The following PIGK variants were observed in gnomAD, a reference collection of about 807,000 sequenced individuals.
PIGK encodes the protein phosphatidylinositol glycan anchor biosynthesis class K.
A neutral mutation model predicts 50.6 loss-of-function variants in PIGK; 42 were observed. The observed-to-expected ratio is 0.83, with a 90% CI of 0.65 to 1.07. PIGK has a LOEUF of 1.07. PIGK is among the 50% of genes least tolerant of loss of function. The pLI is 0.00. For synonymous variants in PIGK, 151 were observed against 156.0 expected (o/e 0.97, Z 0.24); for missense variants, 448 against 488.7 (o/e 0.92, Z 0.78).
At chr1:77,116,484 C>A (rs1653968164) in intron 10 of PIGK, among the ~76,000 whole-genome samples, 1 of 151,794 alleles carries the variant, frequency 6.6e-6, no homozygotes, top group Non-Finnish European at 1.5e-5. Context: ...CGTGCCTGGC[C>A]GAATTTCTCA....
intron 3 of PIGK, among the ~76,000 whole-genome samples, chr1:77,193,760 T>A (rs1655967239): frequency 6.6e-6 from 1 of 152,112 alleles, no homozygotes; most frequent in Admixed American, 6.6e-5. Context: ...AAGGATATAC[T>A]ATTCTGGACA....
Position 77,096,265 on chromosome 1 carries a change from C to T in PIGK, c.1072-3775G>A, listed in dbSNP as rs139444627. Among the ~76,000 whole-genome samples, 14 of 152,234 alleles carry T rather than the reference C, an allele frequency of 9.2e-5. No individual in the cohort carries two copies. In the East Asian group the frequency reaches 2.7e-3, roughly 29 times the overall value. On this transcript the variant is annotated intron_variant, in intron 10 of 10. Transcript: ENST00000370812. ...GCACATCTTCGAGTCCTTCATTCAT[C>T]CAATTGTATGTTAGATTGATGGGCA... is the stretch of plus-strand genomic sequence containing the variant.
chr1:77,102,561 G>C (rs946970658), intron 10 of PIGK, among the ~76,000 whole-genome samples: 1 of 152,120 alleles, frequency 6.6e-6, no homozygotes, highest in Non-Finnish European at 1.5e-5. Context: ...CTAGAAGCTT[G>C]ATAAGGCAAG....
At chr1:77,218,494 T>C (rs998209887) in intron 1 of PIGK, among the ~76,000 whole-genome samples, 4 of 152,182 alleles carry the variant, frequency 2.6e-5, no homozygotes, top group African/African-American at 9.7e-5. Flanking sequence ...GTTTCTAGCT[T>C]AGGAGCAGCA....
intron 3 of PIGK, among the ~76,000 whole-genome samples, chr1:77,181,707 A>C (rs1283778384): frequency 6.6e-6 from 1 of 152,166 alleles, no homozygotes; most frequent in Non-Finnish European, 1.5e-5. Context: ...TCTGCCTCAT[A>C]GGTGTTGCTT....
At chr1:77,191,599 A>G (rs1227049834) in intron 3 of PIGK, among the ~76,000 whole-genome samples, 1 of 152,246 alleles carries the variant, frequency 6.6e-6, no homozygotes, top group Non-Finnish European at 1.5e-5. Flanking sequence ...TCTAGCGTCA[A>G]ATGGCAAGAA....
chr1:77,158,576 A>C (rs1032588271), intron 8 of PIGK, among the ~76,000 whole-genome samples: 1 of 152,212 alleles, frequency 6.6e-6, no homozygotes, highest in Non-Finnish European at 1.5e-5. Flanking sequence ...CAAAAAGTCC[A>C]GGCTGAGGTG....
rs369971655 is a variant in PIGK, at chr1:77,139,265, T to A, written c.986+15184A>T. ...GAGATTTCCCTACTGTTGAGCAAAG[T>A]GGAGCTTCCTCTGTTGCAAGCCACT... On this transcript the variant is annotated intron_variant, in intron 9 of 10. Transcript: ENST00000370812. 5.9e-5 allele frequency among the ~76,000 whole-genome samples: 9 copies of A among 151,934 alleles called. No individual in the cohort carries two copies. In the South Asian group the frequency reaches 1.3e-3, roughly 21 times the overall value.
intron 9 of PIGK, among the ~76,000 whole-genome samples, chr1:77,150,626 G>C (rs892615083): frequency 6.6e-6 from 1 of 151,706 alleles, no homozygotes; most frequent in Non-Finnish European, 1.5e-5. Context: ...AAAAGATTAA[G>C]AGCCCAAATA....
chr1:77,158,081 A>G (rs941157731), intron 8 of PIGK, among the ~76,000 whole-genome samples: 1 of 152,172 alleles, frequency 6.6e-6, no homozygotes, highest in African/African-American at 2.4e-5. Context: ...CAGTGGCGCA[A>G]TCTCAGCTCA....
intron 10 of PIGK, among the ~76,000 whole-genome samples, chr1:77,096,717 A>T (rs1653412317): frequency 6.6e-6 from 1 of 152,110 alleles, no homozygotes; most frequent in South Asian, 2.1e-4. Context: ...TAAATAAATG[A>T]CTGATGTTTT....
chr1:77,118,985 G>C (rs1449797518), intron 10 of PIGK, among the ~76,000 whole-genome samples: 1 of 152,124 alleles, frequency 6.6e-6, no homozygotes, highest in Non-Finnish European at 1.5e-5. Flanking sequence ...TCATGAATTG[G>C]AATCCATAAA....
At chr1:77,183,663 T>G (rs1655672298) in intron 3 of PIGK, among the ~76,000 whole-genome samples, 1 of 152,186 alleles carries the variant, frequency 6.6e-6, no homozygotes, top group Admixed American at 6.5e-5. Context: ...TCAGGCTAAA[T>G]TTATTGACTT....
intron 10 of PIGK, among the ~76,000 whole-genome samples, chr1:77,119,822 G>A (rs1232086291): frequency 6.6e-6 from 1 of 152,032 alleles, no homozygotes; most frequent in Non-Finnish European, 1.5e-5. Context: ...TGGTGCCTGG[G>A]TAGTAGGGAA....
chr1:77,108,565 T>C (rs1478271547), intron 10 of PIGK, among the ~76,000 whole-genome samples: 1 of 151,742 alleles, frequency 6.6e-6, no homozygotes, highest in Non-Finnish European at 1.5e-5. Flanking sequence ...ATAAATTATG[T>C]GTCTTGGAGT....
chr1:77,218,613 T>A (rs1656641341), intron 1 of PIGK, among the ~76,000 whole-genome samples: 1 of 152,118 alleles, frequency 6.6e-6, no homozygotes, highest in South Asian at 2.1e-4. Flanking sequence ...TTTTCAAATG[T>A]CTCCTGACTA....
chr1:77,100,656 A>G (rs1164650973), intron 10 of PIGK, among the ~76,000 whole-genome samples: 1 of 152,142 alleles, frequency 6.6e-6, no homozygotes, highest in East Asian at 1.9e-4. Flanking sequence ...GGGCATAGGG[A>G]AAGAGGTGGG....
At chr1:77,190,158 T>A (rs1381614512) in intron 3 of PIGK, among the ~76,000 whole-genome samples, 3 of 151,478 alleles carry the variant, frequency 2.0e-5, no homozygotes, top group African/African-American at 7.3e-5. Flanking sequence ...GAAGCTGAGG[T>A]GGGAGGATCG....
chr1:77,099,057 G>A (rs1653485549), intron 10 of PIGK, among the ~76,000 whole-genome samples: 1 of 151,772 alleles, frequency 6.6e-6, no homozygotes, highest in African/African-American at 2.4e-5. Context: ...ATTCAGAAAC[G>A]CTCACAAAGG....
Sources: gnomAD v4.1 joint callset for allele counts (sites outside exome capture counted in the v4.1 genomes callset) on GRCh38, gnomAD v4.1.1 for gene constraint, MANE v1.5 for transcripts, NCBI Gene and HGNC (gene_info 2026-07-23, HGNC 2026-07-21) for gene names.